PTER: variants seen among roughly 807,000 people sequenced by gnomAD.
PTER encodes the protein phosphotriesterase related, also known as N-acetyltaurine hydrolase.
A neutral mutation model predicts 29.6 loss-of-function variants in PTER; 38 were observed. The observed-to-expected ratio is 1.28, with a 90% CI of 0.99 to 1.68. PTER has a LOEUF of 1.68. Ranked by LOEUF, PTER falls within the 40% of genes most tolerant of loss-of-function variation. The pLI, the probability that PTER is intolerant of heterozygous loss-of-function variation, is 0.00. For synonymous variants in PTER, 172 were observed against 154.5 expected, an observed-to-expected ratio of 1.11 and a Z score of -0.84; for missense variants, 482 against 427.8, an observed-to-expected ratio of 1.13 and a Z score of -1.12.
intron 3 of PTER, among the ~76,000 whole-genome samples, chr10:16,489,479 A>G (rs1000682890): frequency 1.3e-5 from 2 of 150,560 alleles, no homozygotes; most frequent in African/African-American, 4.9e-5. Flanking sequence ...TTTAGAGTAC[A>G]ATTTTTTGTT....
chr10:16,464,340 G>A (rs571921090), intron 1 of PTER, among the ~76,000 whole-genome samples: 3 of 152,238 alleles, frequency 2.0e-5, no homozygotes, highest in South Asian at 2.1e-4. Flanking sequence ...AAACACAATC[G>A]AGAGATCAGT....
At chr10:16,455,654 G>A (rs867383142) in intron 1 of PTER, among the ~76,000 whole-genome samples, 4 of 152,144 alleles carry the variant, frequency 2.6e-5, no homozygotes, top group East Asian at 1.9e-4. Context: ...TCATGCCACT[G>A]CACTCTAGCC....
At chr10:16,452,194 T>TACACACACACACACACAC (rs375537112) in intron 1 of PTER, among the ~76,000 whole-genome samples, 6,786 of 146,222 alleles carry the variant, frequency 0.046, 177 homozygotes, top group Middle Eastern at 0.068. Flanking sequence ...ACCAGTGGGA[T>TACACACACACACACACAC]ACACACACAC....
chr10:16,456,889 C>A (rs1834422464), intron 1 of PTER, among the ~76,000 whole-genome samples: 1 of 148,962 alleles, frequency 6.7e-6, no homozygotes, highest in African/African-American at 2.5e-5. Flanking sequence ...ATGCTGTTCT[C>A]GTGGTAGTGA....
chr10:16,511,117 G>T lies in PTER; in HGVS notation c.911G>T (p.Arg304Leu), dbSNP rs373285172. The T allele has an allele frequency of 6.2e-7, 1 of 1,614,058 alleles. No homozygotes were observed. The highest frequency in any genetic ancestry group is 8.5e-7 in the Non-Finnish European group (1 of 1,179,992). Residue 304 changes from arginine to leucine, a missense_variant, in exon 5 of 5, where the codon CGG (arginine) becomes CTG (leucine). Physicochemically the swap from Arg to Leu is moderately radical, Grantham distance 102. Coordinates refer to ENST00000535784, the MANE Select transcript of PTER (RefSeq NM_001261836.2). ...LVAHDIHTKT[R>L]LMKYGGHGYS... ...GCACATGACATACATACGAAAACCC[G>T]GCTGATGAAATATGGAGGTCACGGC...
intron 3 of PTER, chr10:16,486,880 A>C (rs550477609): frequency 7.0e-5 from 27 of 384,502 alleles, no homozygotes; most frequent in African/African-American, 5.5e-4. Context: ...TAATTTACTC[A>C]ATCCTTTATA....
In PTER at chr10:16,511,115, C is replaced by T. The variant is rs747954360; in HGVS notation, c.909C>T (p.Thr303=). The T allele has an allele frequency of 3.7e-6, 6 of 1,614,064 alleles. No individual in the cohort carries two copies. The highest frequency in any genetic ancestry group is 5.1e-6 in the Non-Finnish European group (6 of 1,180,000). ...TAGCACATGACATACATACGAAAAC[C>T]CGGCTGATGAAATATGGAGGTCACG... is the stretch of plus-strand genomic sequence containing the variant. ...ILVAHDIHTK[T]RLMKYGGHGY... Residue 303 remains threonine, a synonymous_variant, in exon 5 of 5, where the codon ACC becomes ACT. Coordinates refer to ENST00000535784, the MANE Select transcript of PTER (RefSeq NM_001261836.2).
In PTER at chr10:16,505,004, G is replaced by A; in HGVS notation, c.699-16G>A. On this transcript the variant is annotated splice_polypyrimidine_tract_variant and intron_variant, in intron 3 of 4. Coordinates refer to ENST00000535784, the MANE Select transcript of PTER (RefSeq NM_001261836.2). ...GGCTCTTCATAATAACAGTTCATCT[G>A]TCGCATTGTTTCTAGGACTATTCTT... 1 of 1,613,024 alleles carries A rather than the reference G, an allele frequency of 6.2e-7. No homozygotes were observed. Among genetic ancestry groups the A allele is most frequent in the Non-Finnish European group, 8.5e-7 (1 of 1,179,544 alleles).
intron 3 of PTER, among the ~76,000 whole-genome samples, chr10:16,504,561 A>AG (rs1366795914): frequency 6.6e-6 from 1 of 152,232 alleles, no homozygotes; most frequent in Non-Finnish European, 1.5e-5. Flanking sequence ...CACAAGGCAA[A>AG]GCCTCATGTG....
intron 1 of PTER, among the ~76,000 whole-genome samples, chr10:16,483,820 C>G (rs1031713091): frequency 6.6e-6 from 1 of 151,910 alleles, no homozygotes; most frequent in East Asian, 1.9e-4. Context: ...CCACTGCACT[C>G]TAACCTGGGC....
chr10:16,483,824 C>G (rs1262344995), intron 1 of PTER, among the ~76,000 whole-genome samples: 1 of 151,916 alleles, frequency 6.6e-6, no homozygotes, highest in East Asian at 1.9e-4. Flanking sequence ...TGCACTCTAA[C>G]CTGGGCAACA....
chr10:16,489,554 T>A (rs1835822529), intron 3 of PTER, among the ~76,000 whole-genome samples: 1 of 152,096 alleles, frequency 6.6e-6, no homozygotes, highest in South Asian at 2.1e-4. Context: ...CCCTGGTTTT[T>A]TTTTTTTGGT....
At chr10:16,485,879 A>G (rs1005245763) in intron 2 of PTER, among the ~76,000 whole-genome samples, 4 of 152,146 alleles carry the variant, frequency 2.6e-5, no homozygotes. Context: ...GGTTCACTTG[A>G]TCTCAGGAGT....
intron 2 of PTER, 91 bp from the exon 3 acceptor site, chr10:16,486,261 C>A (rs1486306012): frequency 3.0e-6 from 4 of 1,316,432 alleles, no homozygotes; most frequent in Admixed American, 4.7e-5. Flanking sequence ...GAATGAATGA[C>A]AAAATAAATA....
In PTER at chr10:16,473,535, A is replaced by AAAAAAC. The variant is rs1350810616; in HGVS notation, c.-48-10797_-48-10796insCAAAAA. ...ACTCCATCCGAAAAAAAAAAAAAAA[A>AAAAAAC]AAAAAAAAAAAACAGTTAGTTCTCC... On this transcript the variant is annotated intron_variant, in intron 1 of 4. Transcript: ENST00000535784. 2.8e-4 allele frequency among the ~76,000 whole-genome samples: 42 copies of AAAAAAC among 150,858 alleles called. 1 individual carries two copies. Among genetic ancestry groups the AAAAAAC allele is most frequent in the Non-Finnish European group, 5.6e-4 (38 of 67,580 alleles).
intron 1 of PTER, among the ~76,000 whole-genome samples, chr10:16,449,947 T>C (rs1460635018): frequency 6.6e-6 from 1 of 152,124 alleles, no homozygotes; most frequent in Non-Finnish European, 1.5e-5. Flanking sequence ...ACAAATAAAC[T>C]CTTAGAACCT....
chr10:16,460,180 G>T (rs574492378), intron 1 of PTER, among the ~76,000 whole-genome samples: 2 of 152,234 alleles, frequency 1.3e-5, no homozygotes, highest in East Asian at 3.8e-4. Flanking sequence ...GTCATTCAGT[G>T]AACAGTGGAA....
At position 16,486,521 on chromosome 10, in the gene PTER, A is replaced by C. The variant is rs536620018; in HGVS notation, c.602A>C (p.His201Pro). 6.2e-7 allele frequency: 1 copy of C among 1,614,024 alleles called. No individual in the cohort carries two copies. The part of the protein sequence containing the change: ...QAQLGCPVII[H>P]PGRSSRAPFQ... ...CAGCTTGGTTGTCCTGTTATTATCCATCCTGGACGGAGCTCCAGGGCACCA... is the reference window on the plus strand; with the variant it reads ...CAGCTTGGTTGTCCTGTTATTATCCCTCCTGGACGGAGCTCCAGGGCACCA... The change falls in exon 3 of 5, where the codon CAT becomes CCT. Residue 201 changes from histidine (H) to proline (P), a missense_variant. By Grantham distance (77) the His-to-Pro change is moderately conservative. Coordinates refer to ENST00000535784, the MANE Select transcript of PTER (RefSeq NM_001261836.2).
In PTER at chr10:16,484,588, A is replaced by G. The variant is rs1392047912; in HGVS notation, c.204A>G (p.Lys68=). Residue 68 remains lysine (K), a synonymous_variant, in exon 2 of 5, where the codon AAA becomes AAG. Coordinates refer to ENST00000535784, the MANE Select transcript of PTER (RefSeq NM_001261836.2). ...YWIQKNAYSH[K]ENLQLNQETE... is the part of the protein sequence containing the mutation. The stretch of plus-strand genomic sequence containing the variant: ...TTCAGAAAAACGCCTATTCCCATAA[A>G]GAAAACCTTCAATTAAATCAGGAGA... 1 of 1,614,020 alleles carries G rather than the reference A, an allele frequency of 6.2e-7. No individual in the cohort carries two copies. The highest frequency in any genetic ancestry group is 8.5e-7 in the Non-Finnish European group (1 of 1,180,030).
Sources: allele counts gnomAD v4.1 joint callset (sites outside exome capture counted in the v4.1 genomes callset), GRCh38; gene constraint gnomAD v4.1.1; transcripts MANE v1.5; gene names NCBI Gene and HGNC (gene_info 2026-07-23, HGNC 2026-07-21).